DHRS9: variants seen among roughly 807,000 people sequenced by gnomAD.
The protein encoded by DHRS9 is dehydrogenase/reductase SDR family member 9.
Under a neutral mutation model 26.6 loss-of-function variants are expected in DHRS9, and 18 were observed. That is an observed-to-expected ratio of 0.68 (90% CI 0.47 to 1.00). DHRS9 has a LOEUF of 1.00. Ranked by LOEUF, DHRS9 falls within the 50% of genes least tolerant of loss-of-function variation. The pLI is 0.00. For missense variants in DHRS9, 425 were observed against 378.7 expected (o/e 1.12, Z -1.01); for synonymous variants, 134 against 141.1 (o/e 0.95, Z 0.36).
At chr2:169,067,132 G>A, upstream of DHRS9, 2 of 1,535,204 alleles carry the variant, frequency 1.3e-6, no homozygotes, top group African/African-American at 1.4e-5. Flanking sequence ...ACTTGAGAGA[G>A]AGGATTACAT....
intron 1 of DHRS9, among the ~76,000 whole-genome samples, chr2:169,080,714 C>T (rs1056791707): frequency 1.3e-5 from 2 of 151,996 alleles, no homozygotes; most frequent in Admixed American, 1.3e-4. Flanking sequence ...TCAAAGCTTC[C>T]GTTTTACAGC....
At chr2:169,076,106 C>T (rs1433811194) in intron 1 of DHRS9, among the ~76,000 whole-genome samples, 1 of 152,056 alleles carries the variant, frequency 6.6e-6, no homozygotes. Flanking sequence ...TCGTCTGACA[C>T]TTATTAGATG....
Position 169,081,602 on chromosome 2 carries a change from C to T in DHRS9, c.21C>T (p.Gly7=), listed in dbSNP as rs1328515739. The part of the protein sequence containing the change: MLFWVL[G]LLILCGFLWT... ...GAAAAATGCTCTTTTGGGTGCTAGG[C>T]CTCCTAATCCTCTGTGGTTTTCTGT... Residue 7 remains glycine, a synonymous_variant, in exon 2 of 5, where the codon GGC becomes GGT. Coordinates refer to ENST00000674881, the MANE Select transcript of DHRS9 (RefSeq NM_001376924.1). 1 of 1,613,994 alleles carries T rather than the reference C, an allele frequency of 6.2e-7. No individual in the cohort carries two copies. The highest frequency in any genetic ancestry group is 1.1e-5 in the South Asian group (1 of 91,068).
chr2:169,089,099 G>A (rs1289327459), intron 3 of DHRS9, among the ~76,000 whole-genome samples: 2 of 152,150 alleles, frequency 1.3e-5, no homozygotes, highest in East Asian at 3.9e-4. Context: ...TTAAAACTGG[G>A]TAAAAGGCAG....
upstream of DHRS9, chr2:169,067,186 A>T: frequency 1.3e-6 from 2 of 1,535,670 alleles, no homozygotes; most frequent in South Asian, 2.4e-5. Flanking sequence ...CTCTATCACC[A>T]GCCTCACCCT....
At chr2:169,075,423 T>C (rs1361428660) in intron 1 of DHRS9, among the ~76,000 whole-genome samples, 1 of 152,166 alleles carries the variant, frequency 6.6e-6, no homozygotes, top group Non-Finnish European at 1.5e-5. Context: ...GTTGAAGACA[T>C]GATGCTCCTT....
intron 1 of DHRS9, chr2:169,070,309 T>C: frequency 1.0e-6 from 1 of 985,470 alleles, no homozygotes; most frequent in Non-Finnish European, 1.2e-6. Flanking sequence ...AAGCCTGCTT[T>C]AGATATTTAC....
At chr2:169,075,655 G>A (rs538730592) in intron 1 of DHRS9, among the ~76,000 whole-genome samples, 20 of 152,016 alleles carry the variant, frequency 1.3e-4, no homozygotes, top group African/African-American at 4.3e-4. Flanking sequence ...GTTGTATCTC[G>A]TTGGTCTCCT....
In DHRS9 at chr2:169,081,837, G is replaced by C; in HGVS notation, c.256G>C (p.Asp86His). 3 of 1,613,790 alleles carry C rather than the reference G, an allele frequency of 1.9e-6. No homozygotes were observed. Among genetic ancestry groups the C allele is most frequent in the Non-Finnish European group, 2.5e-6 (3 of 1,179,890 alleles). Residue 86 changes from aspartate (D) to histidine (H), a missense_variant, in exon 2 of 5, where the codon GAC becomes CAC. Coordinates refer to ENST00000674881, the MANE Select transcript of DHRS9 (RefSeq NM_001376924.1). The stretch of plus-strand genomic sequence containing the variant: ...TCGTACTGTGCTTCTGGATGTGACC[G>C]ACCCAGAGAATGTCAAGAGGACTGC... Reference protein sequence around the residue: ...RLRTVLLDVTDPENVKRTAQW... With the variant: ...RLRTVLLDVTHPENVKRTAQW...
intron 1 of DHRS9, among the ~76,000 whole-genome samples, chr2:169,073,167 A>G (rs778862273): frequency 6.6e-6 from 1 of 152,164 alleles, no homozygotes; most frequent in Non-Finnish European, 1.5e-5. Context: ...GCCAAGTATC[A>G]TACAAGGAAC....
At chr2:169,086,001 T>C (rs1035070432) in intron 3 of DHRS9, among the ~76,000 whole-genome samples, 5 of 152,330 alleles carry the variant, frequency 3.3e-5, no homozygotes, top group Middle Eastern at 3.4e-3. Flanking sequence ...CTTAGTGTTC[T>C]ATAACTTTCT....
intron 1 of DHRS9, among the ~76,000 whole-genome samples, chr2:169,081,317 C>A (rs1684174044): frequency 6.6e-6 from 1 of 152,138 alleles, no homozygotes; most frequent in Admixed American, 6.5e-5. Flanking sequence ...TCTGAATACT[C>A]CTTGGTTAGT....
chr2:169,072,760 TAA>T (rs1683845549), intron 1 of DHRS9: 1 of 631,622 alleles, frequency 1.6e-6, no homozygotes, highest in Non-Finnish European at 2.0e-6. Flanking sequence ...GAAAGTTTGA[TAA>T]AGTGTTCTTG....
At chr2:169,088,364 G>A (rs1298630245) in intron 3 of DHRS9, among the ~76,000 whole-genome samples, 1 of 152,158 alleles carries the variant, frequency 6.6e-6, no homozygotes, top group Non-Finnish European at 1.5e-5. Context: ...GTTGCTGCTG[G>A]TCTATGGAGG....
chr2:169,091,222 G>C (rs1427197687), intron 3 of DHRS9, among the ~76,000 whole-genome samples: 17 of 138,310 alleles, frequency 1.2e-4, no homozygotes, highest in African/African-American at 3.3e-4. Context: ...GCTGCAGCAT[G>C]ATATAAAATA....
chr2:169,088,932 A>G (rs1321022718), intron 3 of DHRS9, among the ~76,000 whole-genome samples: 1 of 152,216 alleles, frequency 6.6e-6, no homozygotes, highest in African/African-American at 2.4e-5. Flanking sequence ...TTCTCCAAGC[A>G]TGCTGTCCAA....
intron 3 of DHRS9, among the ~76,000 whole-genome samples, chr2:169,085,770 G>A (rs1185798204): frequency 6.6e-6 from 1 of 152,162 alleles, no homozygotes; most frequent in African/African-American, 2.4e-5. Flanking sequence ...TTTTATGTGT[G>A]TGGAGTCTTT....
Position 169,095,645 on chromosome 2 carries a change from C to G in DHRS9, c.838C>G (p.His280Asp). Residue 280 changes from histidine (H) to aspartate (D), a missense_variant, in exon 5 of 5, where the codon CAT becomes GAT. Transcript: ENST00000674881. ...HALTSLFPKT[H>D]YAAGKDAKIF... ...TCTAACAAGTCTCTTCCCTAAGACT[C>G]ATTATGCCGCTGGAAAAGATGCCAA... is the stretch of plus-strand genomic sequence containing the variant. 6.2e-7 allele frequency: 1 copy of G among 1,614,014 alleles called. No individual in the cohort carries two copies. Among genetic ancestry groups the G allele is most frequent in the South Asian group, 1.1e-5 (1 of 91,084 alleles).
chr2:169,093,082 G>A (rs1684584438), intron 4 of DHRS9, among the ~76,000 whole-genome samples: 1 of 152,122 alleles, frequency 6.6e-6, no homozygotes, highest in African/African-American at 2.4e-5. Context: ...TCTTGGGTCG[G>A]TTAAAGTTTA....
Sources: allele counts gnomAD v4.1 joint callset (sites outside exome capture counted in the v4.1 genomes callset), GRCh38; gene constraint gnomAD v4.1.1; transcripts MANE v1.5; gene names NCBI Gene and HGNC (gene_info 2026-07-23, HGNC 2026-07-21).